The following CNTN4 variants were observed in gnomAD, a reference collection of about 807,000 sequenced individuals.
CNTN4 encodes the protein contactin-4.
A neutral mutation model predicts 122.5 loss-of-function variants in CNTN4; 77 were observed. That is an observed-to-expected ratio of 0.63 (90% confidence interval 0.52 to 0.76). The LOEUF is 0.76. Among genes scored for constraint, CNTN4 ranks in the 30% least tolerant of loss-of-function variants. The pLI is 0.00. For missense variants in CNTN4, 1,256 were observed against 1,259.1 expected, an observed-to-expected ratio of 1.00 and a Z score of 0.04; for synonymous variants, 512 against 447.0, an observed-to-expected ratio of 1.15 and a Z score of -1.83.
chr3:2,826,451 G>A (rs548600946), intron 7 of CNTN4, among the ~76,000 whole-genome samples: 1 of 152,286 alleles, frequency 6.6e-6, no homozygotes, highest in East Asian at 1.9e-4. Context: ...AAGCAAGCAT[G>A]CCTTTCCACA....
At chr3:2,854,202 G>T (rs755812969) in intron 7 of CNTN4, among the ~76,000 whole-genome samples, 92 of 151,718 alleles carry the variant, frequency 6.1e-4, no homozygotes, top group Non-Finnish European at 1.0e-3. Flanking sequence ...TTAGCAAGAC[G>T]CAGGGAAGCG....
Position 3,028,212 on chromosome 3 carries a change from C to T in CNTN4, c.1662+1935C>T, listed in dbSNP as rs546794165. On this transcript the variant is annotated intron_variant, in intron 15 of 24. Transcript: ENST00000418658. ...GTTATTATTTCATTGTCCTCTGATA[C>T]ACCCCATCCCCACCGAGTATTCTGT... is the stretch of plus-strand genomic sequence containing the variant. 1.2e-3 allele frequency among the ~76,000 whole-genome samples: 179 copies of T among 152,236 alleles called. 1 individual carries two copies. Among genetic ancestry groups the T allele is most frequent in the African/African-American group, 4.1e-3 (171 of 41,530 alleles).
chr3:2,655,127 A>G (rs539778114), intron 4 of CNTN4, among the ~76,000 whole-genome samples: 22 of 152,282 alleles, frequency 1.4e-4, no homozygotes, highest in African/African-American at 4.8e-4. Flanking sequence ...AAATCCTGAT[A>G]TTTCAAGGAA....
intron 3 of CNTN4, among the ~76,000 whole-genome samples, chr3:2,402,128 C>T (rs1413251470): frequency 6.6e-6 from 1 of 152,108 alleles, no homozygotes; most frequent in East Asian, 1.9e-4. Context: ...TGGAAACTGC[C>T]TCACTAGGAC....
At chr3:2,889,023 AAGGG>A (rs1212050313) in intron 10 of CNTN4, among the ~76,000 whole-genome samples, 1 of 151,964 alleles carries the variant, frequency 6.6e-6, no homozygotes. Context: ...AAATGGAAGG[AAGGG>A]AGGGAGGGAG....
At chr3:2,365,884 G>A (rs1300152159) in intron 3 of CNTN4, among the ~76,000 whole-genome samples, 2 of 152,020 alleles carry the variant, frequency 1.3e-5, no homozygotes, top group Non-Finnish European at 2.9e-5. Flanking sequence ...ATGAAAAGAG[G>A]GTAAAATGTT....
chr3:2,955,111 T>C (rs570879706), intron 13 of CNTN4, among the ~76,000 whole-genome samples: 3 of 152,222 alleles, frequency 2.0e-5, no homozygotes, highest in Non-Finnish European at 4.4e-5. Flanking sequence ...AAAAGTCTTA[T>C]GAAACATTAC....
intron 3 of CNTN4, among the ~76,000 whole-genome samples, chr3:2,440,875 ATATATG>A (rs1014893788): frequency 8.5e-4 from 66 of 77,222 alleles, no homozygotes; most frequent in Admixed American, 2.1e-3. Context: ...ACATATATGT[ATATATG>A]TATATATATA....
chr3:3,056,829 T>A lies in CNTN4; in HGVS notation c.*609T>A, dbSNP rs1256739453. The A allele has an allele frequency of 6.5e-6, 1 of 152,868 alleles. No homozygotes were observed. The highest frequency in any genetic ancestry group is 3.4e-3 in the Middle Eastern group (1 of 294). 9.5% of individuals were successfully genotyped at this position (152,868 alleles called of 1,614,324 possible). On this transcript the variant is annotated 3_prime_UTR_variant, in exon 25 of 25. Transcript: ENST00000418658. ...TTTTGACATGTACAGTATGTTTTCATGCCGTTGTGAATTTTGTTGTTCAAC... is the reference window on the plus strand; with the variant it reads ...TTTTGACATGTACAGTATGTTTTCAAGCCGTTGTGAATTTTGTTGTTCAAC...
chr3:2,884,476 AAATT>A (rs759080628), intron 9 of CNTN4, among the ~76,000 whole-genome samples: 2 of 152,198 alleles, frequency 1.3e-5, no homozygotes, highest in Non-Finnish European at 2.9e-5. Context: ...CATATTAAAT[AAATT>A]AAGACATAAT....
chr3:2,614,182 A>C (rs2081615400), intron 4 of CNTN4, among the ~76,000 whole-genome samples: 1 of 152,158 alleles, frequency 6.6e-6, no homozygotes, highest in Admixed American at 6.6e-5. Flanking sequence ...AATGACAACA[A>C]GGAGCCACCA....
intron 2 of CNTN4, among the ~76,000 whole-genome samples, chr3:2,109,598 G>T (rs958006809): frequency 6.6e-6 from 1 of 152,044 alleles, no homozygotes; most frequent in Non-Finnish European, 1.5e-5. Flanking sequence ...TGCTGAGATG[G>T]GTCCAGTCTG....
At chr3:2,438,323 A>G (rs2048324399) in intron 3 of CNTN4, among the ~76,000 whole-genome samples, 1 of 152,198 alleles carries the variant, frequency 6.6e-6, no homozygotes, top group African/African-American at 2.4e-5. Context: ...GGAGATGAAG[A>G]CCAGGCTGGC....
chr3:2,912,199 A>G, intron 12 of CNTN4, among the ~76,000 whole-genome samples: 1 of 152,252 alleles, frequency 6.6e-6, no homozygotes, highest in Admixed American at 6.5e-5. Context: ...GAGAAAAGCA[A>G]CCCATCACAA....
chr3:2,445,265 G>A (rs758334146), intron 3 of CNTN4, among the ~76,000 whole-genome samples: 1 of 152,164 alleles, frequency 6.6e-6, no homozygotes, highest in Non-Finnish European at 1.5e-5. Flanking sequence ...AGATGTGTTT[G>A]TGGCCTTGGT....
intron 4 of CNTN4, among the ~76,000 whole-genome samples, chr3:2,612,581 C>G (rs1352602634): frequency 6.6e-6 from 1 of 152,076 alleles, no homozygotes; most frequent in Non-Finnish European, 1.5e-5. Context: ...CCATTATTAT[C>G]CCTATGAGAA....
intron 3 of CNTN4, among the ~76,000 whole-genome samples, chr3:2,482,149 A>G (rs576610190): frequency 4.6e-5 from 7 of 152,268 alleles, no homozygotes; most frequent in Non-Finnish European, 8.8e-5. Flanking sequence ...GACTTGTTGA[A>G]TGGTTTTGAC....
intron 3 of CNTN4, among the ~76,000 whole-genome samples, chr3:2,460,214 C>A (rs1302170527): frequency 2.0e-5 from 3 of 152,118 alleles, no homozygotes; most frequent in Non-Finnish European, 4.4e-5. Context: ...TCGGCATGCT[C>A]TTTTCTGGTA....
intron 2 of CNTN4, among the ~76,000 whole-genome samples, chr3:2,209,653 A>C (rs2038519645): frequency 6.6e-6 from 1 of 150,772 alleles, no homozygotes; most frequent in Non-Finnish European, 1.5e-5. Flanking sequence ...GGGGAGATGC[A>C]CAGCTGAGAT....
Sources: gnomAD v4.1 joint callset for allele counts (sites outside exome capture counted in the v4.1 genomes callset) on GRCh38, gnomAD v4.1.1 for gene constraint, MANE v1.5 for transcripts, NCBI Gene and HGNC (gene_info 2026-07-23, HGNC 2026-07-21) for gene names.